Variants in PARG observed in about 807,000 individuals in gnomAD.
PARG encodes the protein poly(ADP-ribose) glycohydrolase.
Under a neutral mutation model 113.0 loss-of-function variants are expected in PARG, and 35 were observed. That is an observed-to-expected ratio of 0.31 (90% confidence interval 0.24 to 0.41). The LOEUF (loss-of-function observed/expected upper bound fraction) is 0.41. PARG is among the 10% of genes least tolerant of loss of function. The pLI is 1.00. For synonymous variants in PARG, 330 were observed against 409.9 expected (o/e 0.81, Z 2.36); for missense variants, 797 against 1,169.4 (o/e 0.68, Z 4.64).
At chr10:49,900,420 GGAA>G (rs1305055422) in intron 7 of PARG, among the ~76,000 whole-genome samples, 53 of 149,920 alleles carry the variant, frequency 3.5e-4, no homozygotes, top group Non-Finnish European at 7.3e-4. Context: ...AATCAGTTTA[GGAA>G]GAAGATCTTC....
chr10:49,831,668 C>T (rs1275455809), intron 16 of PARG, among the ~76,000 whole-genome samples: 1 of 152,148 alleles, frequency 6.6e-6, no homozygotes, highest in East Asian at 1.9e-4. Flanking sequence ...GACTGGTGTA[C>T]ACGCTGATGT....
At chr10:49,849,659 C>T (rs1588895475) in intron 13 of PARG, among the ~76,000 whole-genome samples, 1 of 152,272 alleles carries the variant, frequency 6.6e-6, no homozygotes, top group South Asian at 2.1e-4. Flanking sequence ...CTCAATAAAT[C>T]TGTCTTAAGA....
chr10:49,842,071 G>T lies in PARG; in HGVS notation c.2433-13C>A. 1 of 1,522,528 alleles carries T rather than the reference G, an allele frequency of 6.6e-7. No individual in the cohort carries two copies. Among genetic ancestry groups the T allele is most frequent in the Non-Finnish European group, 8.9e-7 (1 of 1,122,626 alleles). 94.3% of individuals were successfully genotyped at this position (1,522,528 alleles called of 1,614,324 possible). A position where few individuals can be genotyped will look rare whatever the true frequency, so the allele number is the denominator to read the frequency against. ...CTGCCAGTCGTCCCTGGGACAGGAAGGAAAGGGGAGAAAAGATAAGGAACA... is the reference window on the plus strand; with the variant it reads ...CTGCCAGTCGTCCCTGGGACAGGAATGAAAGGGGAGAAAAGATAAGGAACA... On this transcript the variant is annotated splice_polypyrimidine_tract_variant and intron_variant, in intron 14 of 17. Coordinates refer to ENST00000616448, the MANE Select transcript of PARG (RefSeq NM_003631.5).
intron 10 of PARG, among the ~76,000 whole-genome samples, chr10:49,867,879 T>A (rs1443782167): frequency 6.6e-6 from 1 of 152,142 alleles, no homozygotes; most frequent in Non-Finnish European, 1.5e-5. Context: ...TCTGTACTAC[T>A]TCGTTATAAT....
intron 13 of PARG, among the ~76,000 whole-genome samples, chr10:49,845,353 T>C (rs1224620022): frequency 6.6e-6 from 1 of 152,160 alleles, no homozygotes; most frequent in Non-Finnish European, 1.5e-5. Context: ...TAGATTTGTA[T>C]CAGTCATTGC....
At chr10:49,831,959 T>G (rs1554830328) in intron 16 of PARG, among the ~76,000 whole-genome samples, 4 of 152,142 alleles carry the variant, frequency 2.6e-5, no homozygotes, top group African/African-American at 9.7e-5. Flanking sequence ...TTGTGGACTC[T>G]GTTCTTAATA....
At chr10:49,919,456 T>C (rs1310532236) in intron 6 of PARG, among the ~76,000 whole-genome samples, 1 of 152,210 alleles carries the variant, frequency 6.6e-6, no homozygotes, top group Non-Finnish European at 1.5e-5. Flanking sequence ...GCTAGTACTA[T>C]TAATAGAAAA....
chr10:49,888,311 C>T (rs1216158979), intron 7 of PARG, among the ~76,000 whole-genome samples: 1 of 151,838 alleles, frequency 6.6e-6, no homozygotes, highest in Non-Finnish European at 1.5e-5. Context: ...TATATTTTTA[C>T]TCTTTGTTGT....
rs1481753070 is a variant in PARG, at chr10:49,933,587, G to A, written c.861C>T (p.Cys287=). ...TCTCAAATGGAGGAGAATTTCCTAG[G>A]CAACTTTCTTGTCTAGTCAATTTGT... The part of the protein sequence containing the change: ...NDNKLTRQES[C]LGNSPPFEKE... Residue 287 remains cysteine, a synonymous_variant, in exon 3 of 18, where the codon TGC becomes TGT. Coordinates refer to ENST00000616448, the MANE Select transcript of PARG (RefSeq NM_003631.5). The A allele has an allele frequency of 1.2e-6, 2 of 1,610,146 alleles. No homozygotes were observed. Among genetic ancestry groups the A allele is most frequent in the African/African-American group, 2.7e-5 (2 of 74,772 alleles).
intron 7 of PARG, among the ~76,000 whole-genome samples, chr10:49,897,803 T>G (rs1274023546): frequency 1.3e-5 from 2 of 151,742 alleles, no homozygotes; most frequent in African/African-American, 4.8e-5. Context: ...AGGTCAAGAG[T>G]TCAAGACCAG....
chr10:49,885,391 T>C, intron 7 of PARG, 96 bp from the exon 8 acceptor site: 2 of 742,226 alleles, frequency 2.7e-6, no homozygotes, highest in South Asian at 3.4e-5. Context: ...ACATATCTGC[T>C]TTTCATGGAA....
intron 7 of PARG, among the ~76,000 whole-genome samples, chr10:49,908,107 TAAC>T (rs1468720623): frequency 6.6e-6 from 1 of 152,196 alleles, no homozygotes; most frequent in Non-Finnish European, 1.5e-5. Context: ...AAACACAAAA[TAAC>T]AACTCTAACT....
At chr10:49,884,753 T>C (rs375000165) in intron 8 of PARG, among the ~76,000 whole-genome samples, 8,632 of 143,958 alleles carry the variant, frequency 0.06, 355 homozygotes, top group African/African-American at 0.094. Flanking sequence ...GAAAGTATCA[T>C]TAACTCATTT....
intron 9 of PARG, among the ~76,000 whole-genome samples, chr10:49,876,941 A>AT (rs1435920451): frequency 1.1e-4 from 14 of 124,914 alleles, no homozygotes; most frequent in Admixed American, 2.9e-4. Flanking sequence ...TATTATATAT[A>AT]AAAAAAAAAA....
intron 7 of PARG, among the ~76,000 whole-genome samples, chr10:49,885,498 T>C (rs1554840300): frequency 6.6e-6 from 1 of 152,178 alleles, no homozygotes; most frequent in African/African-American, 2.4e-5. Context: ...TCCAAATGTA[T>C]ATTTGGCATT....
Position 49,934,969 on chromosome 10 carries a change from G to C in PARG, c.284+107C>G, listed in dbSNP as rs1339617151. ...TATAAGTTGATTTTGAATTAACATA[G>C]ATAAAGGAGAACAGAAAAGCATGAA... On this transcript the variant is annotated intron_variant, in intron 2 of 17. Coordinates refer to ENST00000616448, the MANE Select transcript of PARG (RefSeq NM_003631.5). The C allele has an allele frequency of 1.1e-5, 7 of 639,718 alleles. No homozygotes were observed. The Admixed American group carries it at 1.1e-4, about 10-fold the overall frequency. The allele number at this position is 639,718 out of a possible 1,614,324, so 39.6% of individuals were successfully genotyped here.
intron 7 of PARG, among the ~76,000 whole-genome samples, chr10:49,893,908 C>T (rs1347307337): frequency 6.6e-6 from 1 of 152,004 alleles, no homozygotes; most frequent in Non-Finnish European, 1.5e-5. Flanking sequence ...CAGTGTTAGC[C>T]AGGATGGTCT....
intron 4 of PARG, among the ~76,000 whole-genome samples, chr10:49,930,100 A>G (rs1216283060): frequency 2.6e-5 from 4 of 152,272 alleles, no homozygotes; most frequent in Non-Finnish European, 5.9e-5. Flanking sequence ...AATGGTAGCA[A>G]GGGAACCTTG....
At chr10:49,853,719 G>C (rs2132504498) in intron 13 of PARG, among the ~76,000 whole-genome samples, 1 of 152,114 alleles carries the variant, frequency 6.6e-6, no homozygotes, top group East Asian at 1.9e-4. Context: ...CTCTGTCCAG[G>C]AAAAAAATTC....
Sources: allele counts gnomAD v4.1 joint callset (sites outside exome capture counted in the v4.1 genomes callset), GRCh38; gene constraint gnomAD v4.1.1; transcripts MANE v1.5; gene names NCBI Gene and HGNC (gene_info 2026-07-23, HGNC 2026-07-21).